The following EP400 variants were observed in gnomAD, a reference collection of about 807,000 sequenced individuals.
EP400 encodes the protein E1A binding protein p400.
EP400 carries 105 observed loss-of-function variants against 354.1 expected under a neutral mutation model. That is an observed-to-expected ratio of 0.30 (90% CI 0.25 to 0.35). EP400 has a LOEUF of 0.35. EP400 is among the 10% of genes least tolerant of loss of function. The pLI is 1.00. For missense variants in EP400, 3,280 were observed against 4,121.0 expected, an observed-to-expected ratio of 0.80 and a Z score of 5.59; for synonymous variants, 1,646 against 1,716.9, an observed-to-expected ratio of 0.96 and a Z score of 1.02.
At chr12:131,969,299 T>C (rs574727276) in intron 2 of EP400, among the ~76,000 whole-genome samples, 2 of 152,186 alleles carry the variant, frequency 1.3e-5, no homozygotes, top group African/African-American at 2.4e-5. Context: ...TATATTAAAT[T>C]GAGGCATACT....
chr12:132,018,139 A>T lies in EP400; in HGVS notation c.4111-71A>T. On this transcript the variant is annotated intron_variant, in intron 20 of 52. Transcript: ENST00000389561. This position sits in a 1 kb window ranked among gnomAD's most constrained non-coding sequence, Gnocchi z 4.0. ...GCCCACGTTAGGGCCCTGCCATAGA[A>T]ATCAGTTTTGATTCTTAGGTGCTTT... is the stretch of plus-strand genomic sequence containing the variant. 1 of 1,585,898 alleles carries T rather than the reference A, an allele frequency of 6.3e-7. No homozygotes were observed. Among genetic ancestry groups the T allele is most frequent in the Non-Finnish European group, 8.6e-7 (1 of 1,169,246 alleles).
In EP400 at chr12:132,053,030, C is replaced by T. The variant is rs148813012; in HGVS notation, c.7395-116C>T. The T allele has an allele frequency of 7.2e-4, 782 of 1,091,428 alleles. 5 individuals carry two copies. In the East Asian group the frequency reaches 0.015, roughly 21 times the overall value. 67.6% of individuals were successfully genotyped at this position (1,091,428 alleles called of 1,614,324 possible). On this transcript the variant is annotated intron_variant, in intron 41 of 52. Transcript: ENST00000389561. ...CATTGGGCACCTTGCTTTACGCCCT[C>T]ATCTCTTGGGCTGGAGCTGCCCCAG...
chr12:132,015,970 C>T (rs990053831), intron 19 of EP400, among the ~76,000 whole-genome samples: 1 of 152,162 alleles, frequency 6.6e-6, no homozygotes, highest in African/African-American at 2.4e-5. Flanking sequence ...GCTGCCAGAC[C>T]AGACTCCCTA....
chr12:132,022,692 A>AT (rs1190752071), intron 23 of EP400, among the ~76,000 whole-genome samples: 2 of 151,598 alleles, frequency 1.3e-5, no homozygotes, highest in African/African-American at 4.9e-5. Flanking sequence ...AATGTTATAG[A>AT]TTGACGCTTA....
At position 132,005,145 on chromosome 12, in the gene EP400, C is replaced by G. The variant is rs771775596; in HGVS notation, c.2896C>G (p.Arg966Gly). The G allele has an allele frequency of 6.3e-7, 1 of 1,585,198 alleles. No individual in the cohort carries two copies. Among genetic ancestry groups the G allele is most frequent in the Admixed American group, 1.8e-5 (1 of 55,392 alleles). Residue 966 changes from arginine (R) to glycine (G), a missense_variant, in exon 13 of 53, where the codon CGG becomes GGG. Coordinates refer to ENST00000389561, the MANE Select transcript of EP400 (RefSeq NM_015409.5). ...CTTCCTGCCGAGTTCTCAGTGGCCC[C>G]GGCCGAAGCCTGATGGGGAGGACAC... ...GAFLPSSQWP[R>G]PKPDGEDTSG...
At position 132,029,659 on chromosome 12, in the gene EP400, T is replaced by A; in HGVS notation, c.5382-42T>A. 1 of 1,594,418 alleles carries A rather than the reference T, an allele frequency of 6.3e-7. No individual in the cohort carries two copies. On this transcript the variant is annotated intron_variant, in intron 27 of 52. Coordinates refer to ENST00000389561, the MANE Select transcript of EP400 (RefSeq NM_015409.5). This position sits in a 1 kb window ranked among gnomAD's most constrained non-coding sequence, Gnocchi z 4.7. ...GGAGCCCCCATGCTGGGTGAAGGTG[T>A]GTGGCTCCTGGTGGTGACAAAACAT...
intron 23 of EP400, among the ~76,000 whole-genome samples, chr12:132,022,435 T>C (rs907178898): frequency 3.3e-5 from 5 of 152,252 alleles, no homozygotes; most frequent in African/African-American, 1.2e-4. Context: ...CTCTAGACAT[T>C]TTTCTAGCCT....
At chr12:132,011,463 C>G in intron 15 of EP400, 35 bp from the exon 16 acceptor site, 1 of 1,611,012 alleles carries the variant, frequency 6.2e-7, no homozygotes, top group Non-Finnish European at 8.5e-7. Context: ...ATGACAGATA[C>G]TTTGACGTGG....
rs1235360771 is a variant in EP400, at chr12:131,994,983, T to C, written c.2827+27T>C. 1 of 1,592,918 alleles carries C rather than the reference T, an allele frequency of 6.3e-7. No individual in the cohort carries two copies. Among genetic ancestry groups the C allele is most frequent in the Non-Finnish European group, 8.6e-7 (1 of 1,162,278 alleles). ...TAGGCTGTTGCTACCTTATTAAACATTCAGTAAGTAAAAAGAAACATTTAA... is the reference window on the plus strand; with the variant it reads ...TAGGCTGTTGCTACCTTATTAAACACTCAGTAAGTAAAAAGAAACATTTAA... On this transcript the variant is annotated intron_variant, in intron 12 of 52. Transcript: ENST00000389561. This position sits in a 1 kb window ranked among gnomAD's most constrained non-coding sequence, Gnocchi z 4.6.
chr12:132,043,931 C>T (rs1194498476), intron 34 of EP400, among the ~76,000 whole-genome samples: 1 of 152,134 alleles, frequency 6.6e-6, no homozygotes, highest in East Asian at 1.9e-4. Flanking sequence ...GACCATGGGG[C>T]TTGTTCTCCC....
At position 132,017,452 on chromosome 12, in the gene EP400, GT is replaced by G. The variant is rs1485450470; in HGVS notation, c.3924-81del. 6.8e-7 allele frequency: 1 copy of G among 1,473,210 alleles called. No individual in the cohort carries two copies. The highest frequency in any genetic ancestry group is 9.3e-7 in the Non-Finnish European group (1 of 1,079,600). The allele number at this position is 1,473,210 out of a possible 1,614,324, so 91.3% of individuals were successfully genotyped here. On this transcript the variant is annotated intron_variant, in intron 19 of 52. Coordinates refer to ENST00000389561, the MANE Select transcript of EP400 (RefSeq NM_015409.5). The surrounding 1 kb of genome is among the most constrained non-coding windows in gnomAD (Gnocchi z 5.0). ...ATCTGCTCCTGCCTGCCTTTCTGGA[GT>G]TGGGACAGTCGATGGTGAGGGTGGG...
At chr12:131,988,797 G>C (rs887320018) in intron 7 of EP400, among the ~76,000 whole-genome samples, 1 of 152,032 alleles carries the variant, frequency 6.6e-6, no homozygotes, top group African/African-American at 2.4e-5. Flanking sequence ...TGGGCCCTAG[G>C]GTCTTTGTTC....
chr12:132,053,675 TGAAAC>T, intron 43 of EP400, 78 bp downstream of exon 43: 9 of 1,399,684 alleles, frequency 6.4e-6, no homozygotes, highest in Non-Finnish European at 8.4e-6. Flanking sequence ...TGCTTTCTGT[TGAAAC>T]GAAGACTTGT....
At chr12:131,952,700 T>C (rs574258315) in intron 1 of EP400, among the ~76,000 whole-genome samples, 3 of 152,272 alleles carry the variant, frequency 2.0e-5, no homozygotes, top group South Asian at 2.1e-4. Context: ...CATCCTCTGG[T>C]CTCAGTCTCC....
At chr12:132,010,318 C>G (rs1390499479) in intron 15 of EP400, among the ~76,000 whole-genome samples, 2 of 152,162 alleles carry the variant, frequency 1.3e-5, no homozygotes, top group African/African-American at 4.8e-5. Flanking sequence ...AACTCCTGAC[C>G]TCCTGATCTG....
At chr12:132,001,362 A>C (rs1893408481) in intron 12 of EP400, among the ~76,000 whole-genome samples, 1 of 152,224 alleles carries the variant, frequency 6.6e-6, no homozygotes, top group African/African-American at 2.4e-5. Flanking sequence ...AGAGAGAGAC[A>C]GCTTACGCCA....
At chr12:132,030,189 A>G (rs916890146) in intron 29 of EP400, 31 bp downstream of exon 29, 1 of 1,611,924 alleles carries the variant, frequency 6.2e-7, no homozygotes, top group African/African-American at 1.3e-5. Flanking sequence ...ATTGTCTCTG[A>G]TGGGTCAGTC....
In EP400 at chr12:132,066,882, G is replaced by A; in HGVS notation, c.8662G>A (p.Ala2888Thr). The A allele has an allele frequency of 1.2e-6, 2 of 1,613,860 alleles. No homozygotes were observed. Among genetic ancestry groups the A allele is most frequent in the Non-Finnish European group, 1.7e-6 (2 of 1,179,930 alleles). ...AKPPVVSVPAAVVSSPGVTTL... is the reference protein window; with the variant it reads ...AKPPVVSVPATVVSSPGVTTL... ...GCCTCCGGTGGTGTCCGTCCCGGCA[G>A]CTGTGGTCTCCTCACCGGGAGTCAC... The change falls in exon 49 of 53, where the codon GCT becomes ACT. Residue 2888 changes from alanine (A) to threonine (T), a missense_variant. Transcript: ENST00000389561.
chr12:132,053,680 C>T (rs920686193), intron 43 of EP400, 83 bp downstream of exon 43: 21 of 1,386,962 alleles, frequency 1.5e-5, no homozygotes, highest in South Asian at 1.6e-5. Flanking sequence ...TCTGTTGAAA[C>T]GAAGACTTGT....
Sources: gnomAD v4.1 joint callset for allele counts (sites outside exome capture counted in the v4.1 genomes callset) on GRCh38, gnomAD v4.1.1 for gene constraint, Gnocchi (gnomAD v3.1) non-coding constraint, MANE v1.5 for transcripts, NCBI Gene and HGNC (gene_info 2026-07-23, HGNC 2026-07-21) for gene names.